CATSPERD: variants seen among roughly 807,000 people sequenced by gnomAD.
The protein encoded by CATSPERD is catsper channel auxiliary subunit delta.
CATSPERD carries 86 observed loss-of-function variants against 98.1 expected under a neutral mutation model. The ratio of observed to expected loss-of-function variants is 0.88; its 90% CI spans 0.74 to 1.05. The LOEUF is 1.05. CATSPERD is among the 50% of genes least tolerant of loss of function. CATSPERD has a pLI of 0.00. For missense variants in CATSPERD, 995 were observed against 1,005.7 expected, an observed-to-expected ratio of 0.99 and a Z score of 0.14; for synonymous variants, 394 against 390.2, an observed-to-expected ratio of 1.01 and a Z score of -0.12.
At chr19:5,751,582 A>C (rs2056222493) in intron 11 of CATSPERD, 65 bp from the exon 12 acceptor site, 3 of 880,084 alleles carry the variant, frequency 3.4e-6, no homozygotes, top group Non-Finnish European at 4.7e-6. Flanking sequence ...GCATCATGAA[A>C]TAAAATTTAA....
At chr19:5,771,196 T>TCC (rs1473311374) in intron 19 of CATSPERD, 124 bp downstream of exon 19, 1 of 1,117,050 alleles carries the variant, frequency 9.0e-7, no homozygotes, top group Admixed American at 2.7e-5. Context: ...TGGTCACTGT[T>TCC]TCCCACCGTG....
At chr19:5,773,208 C>T (rs1039693844) in intron 20 of CATSPERD, among the ~76,000 whole-genome samples, 6 of 152,118 alleles carry the variant, frequency 3.9e-5, no homozygotes, top group African/African-American at 7.2e-5. Flanking sequence ...AAAAATCAGT[C>T]GGGCATGGTG....
intron 19 of CATSPERD, chr19:5,772,214 ATTTTTTTT>A (rs35847357): frequency 6.2e-4 from 95 of 154,364 alleles, no homozygotes; most frequent in African/African-American, 1.6e-3. Flanking sequence ...TGCCCGGTTA[ATTTTTTTT>A]TTTTTTTTTT....
chr19:5,765,401 GATTT>G (rs879271265), intron 16 of CATSPERD, among the ~76,000 whole-genome samples: 209 of 139,406 alleles, frequency 1.5e-3, no homozygotes, highest in Non-Finnish European at 2.4e-3. Flanking sequence ...CTAGGCCATT[GATTT>G]ATTCATTCAT....
In CATSPERD at chr19:5,738,415, C is replaced by T. The variant is rs554874391; in HGVS notation, c.460-911C>T. Among the ~76,000 whole-genome samples the T allele has an allele frequency of 2.2e-4, 34 of 151,646 alleles. No homozygotes were observed. The East Asian group carries it at 6.2e-3, about 28-fold the overall frequency. ...GATATGGTGGTGAGCACCTATAGTC[C>T]CAGTTACTCAGGTCGCTGGGGTGGG... On this transcript the variant is annotated intron_variant, in intron 6 of 21. Coordinates refer to ENST00000381624, the MANE Select transcript of CATSPERD (RefSeq NM_152784.4).
In CATSPERD at chr19:5,750,157, G is replaced by A. The variant is rs1010635085; in HGVS notation, c.987+974G>A. Among the ~76,000 whole-genome samples the A allele has an allele frequency of 2.8e-5, 4 of 144,420 alleles. No individual in the cohort carries two copies. The South Asian group carries it at 9.9e-4, about 36-fold the overall frequency. 94.7% of individuals were successfully genotyped at this position (144,420 alleles called of 152,430 possible). A position where few individuals can be genotyped will look rare whatever the true frequency, so the allele number is the denominator to read the frequency against. On this transcript the variant is annotated intron_variant, in intron 11 of 21. Transcript: ENST00000381624. ...AAACTAACAAAAATTTAAAATAAAAGAATTATTTTGGCCGGGCGTGGTGGC... is the reference window on the plus strand; with the variant it reads ...AAACTAACAAAAATTTAAAATAAAAAAATTATTTTGGCCGGGCGTGGTGGC...
At chr19:5,739,483 C>A in intron 7 of CATSPERD, 44 bp downstream of exon 7, 1 of 1,113,870 alleles carries the variant, frequency 9.0e-7, no homozygotes, top group Non-Finnish European at 1.3e-6. Flanking sequence ...TACATATGTA[C>A]CTTGTGATTG....
intron 11 of CATSPERD, 116 bp from the exon 12 acceptor site, chr19:5,751,531 C>CAAAAAAAAAAAAA (rs57266365): frequency 3.2e-5 from 5 of 155,742 alleles, no homozygotes; most frequent in African/African-American, 3.0e-4. Context: ...GAGACTCCAT[C>CAAAAAAAAAAAAA]AAAAAAAAAA....
rs71172765 is a variant in CATSPERD, at chr19:5,762,041, C to CATATATATATATATATAT, written c.1428-1173_1428-1156dup. On this transcript the variant is annotated intron_variant, in intron 15 of 21. Coordinates refer to ENST00000381624, the MANE Select transcript of CATSPERD (RefSeq NM_152784.4). ...GTGAGAGCCACTGCGCCTGGCCTGCCATATATATATATATATATTTTTTTT... is the reference window on the plus strand; with the variant it reads ...GTGAGAGCCACTGCGCCTGGCCTGCCATATATATATATATATATATATATATATATATATATTTTTTTT... 4.8e-3 allele frequency among the ~76,000 whole-genome samples: 111 copies of CATATATATATATATATAT among 23,218 alleles called. 21 individuals are homozygous for CATATATATATATATATAT. Among genetic ancestry groups the CATATATATATATATATAT allele is most frequent in the Non-Finnish European group, 7.0e-3 (73 of 10,412 alleles). The allele number at this position is 23,218 out of a possible 152,430, so 15.2% of individuals were successfully genotyped here.
At chr19:5,739,499 A>G (rs1438279357) in intron 7 of CATSPERD, 60 bp downstream of exon 7, 3 of 952,304 alleles carry the variant, frequency 3.2e-6, no homozygotes, top group Non-Finnish European at 4.9e-6. Flanking sequence ...GATTGTAGTA[A>G]TTGCTGTCAA....
At chr19:5,744,149 T>A (rs2056050816) in intron 7 of CATSPERD, among the ~76,000 whole-genome samples, 1 of 151,890 alleles carries the variant, frequency 6.6e-6, no homozygotes, top group South Asian at 2.1e-4. Context: ...CCGGCTAATT[T>A]TTGTATTTTT....
rs373171983 is a variant in CATSPERD, at chr19:5,750,259, T to C, written c.987+1076T>C. ...TTCAGGAGATCGTGACCATCCTGGC[T>C]AACACGGTGAAACCCCGTCTCTACT... On this transcript the variant is annotated intron_variant, in intron 11 of 21. Transcript: ENST00000381624. 8.7e-5 allele frequency among the ~76,000 whole-genome samples: 13 copies of C among 148,668 alleles called. No homozygotes were observed. In the East Asian group the frequency reaches 1.2e-3, roughly 14 times the overall value.
intron 20 of CATSPERD, among the ~76,000 whole-genome samples, chr19:5,774,122 C>T (rs1301365953): frequency 6.6e-6 from 1 of 151,778 alleles, no homozygotes; most frequent in African/African-American, 2.4e-5. Context: ...CACCTGCCAC[C>T]ACGCCCGGTT....
chr19:5,720,854 GGAGGGTGCTGGTTCATCTTGGAGCCGA>G (rs745344313), intron 1 of CATSPERD, 46 bp downstream of exon 1: 20 of 1,521,838 alleles, frequency 1.3e-5, no homozygotes, highest in Non-Finnish European at 1.7e-5. Flanking sequence ...CCGGGGGTCG[GGAGGGTGCTGGTTCATCTTGGAGCCGA>G]GGCCTGCTCC....
chr19:5,775,372 C>A, intron 20 of CATSPERD: 1 of 443,526 alleles, frequency 2.3e-6, no homozygotes, highest in Non-Finnish European at 4.7e-6. Context: ...GGCGAGGTGG[C>A]CACGCCTGTA....
intron 18 of CATSPERD, 67 bp downstream of exon 18, chr19:5,768,309 C>G: frequency 1.7e-6 from 2 of 1,153,944 alleles, no homozygotes; most frequent in Non-Finnish European, 2.4e-6. Flanking sequence ...AAGCCAAGAG[C>G]AAATTAGGAA....
chr19:5,722,236 C>G (rs781677440), intron 1 of CATSPERD, among the ~76,000 whole-genome samples: 17 of 152,098 alleles, frequency 1.1e-4, no homozygotes, highest in Non-Finnish European at 2.1e-4. Context: ...ATTCTCCTGC[C>G]TCAGCCTCCA....
chr19:5,776,420 C>A, intron 21 of CATSPERD, 105 bp downstream of exon 21: 1 of 1,313,438 alleles, frequency 7.6e-7, no homozygotes, highest in Non-Finnish European at 1.1e-6. Flanking sequence ...TGAATTCCCC[C>A]AACAGCCCAG....
chr19:5,757,422 C>T (rs1346806121), intron 13 of CATSPERD, among the ~76,000 whole-genome samples: 1 of 150,674 alleles, frequency 6.6e-6, no homozygotes, highest in African/African-American at 2.4e-5. Context: ...CTCGGGCTCC[C>T]GAGTAGCTGG....
Sources: allele counts gnomAD v4.1 joint callset (sites outside exome capture counted in the v4.1 genomes callset), GRCh38; gene constraint gnomAD v4.1.1; transcripts MANE v1.5; gene names NCBI Gene and HGNC (gene_info 2026-07-23, HGNC 2026-07-21).